MCTP1: variants seen among roughly 807,000 people sequenced by gnomAD.
MCTP1 encodes multiple C2 and transmembrane domain-containing protein 1.
MCTP1 carries 69 observed loss-of-function variants against 120.6 expected under a neutral mutation model. The ratio of observed to expected loss-of-function variants is 0.57; its 90% CI spans 0.47 to 0.70. The LOEUF (loss-of-function observed/expected upper bound fraction) is 0.70. MCTP1 is among the 30% of genes least tolerant of loss of function. The pLI is 0.00. For synonymous variants in MCTP1, 529 were observed against 493.1 expected (o/e 1.07, Z -0.96); for missense variants, 1,203 against 1,248.8 (o/e 0.96, Z 0.55).
chr5:94,812,774 TAA>T (rs34926852), intron 17 of MCTP1, among the ~76,000 whole-genome samples: 182 of 142,368 alleles, frequency 1.3e-3, no homozygotes, highest in Middle Eastern at 3.5e-3. Context: ...CCTTGCCTCT[TAA>T]AAAAAAAAAA....
chr5:94,821,370 G>T (rs1037922893), intron 17 of MCTP1, among the ~76,000 whole-genome samples: 7 of 151,880 alleles, frequency 4.6e-5, no homozygotes, highest in Non-Finnish European at 8.8e-5. Flanking sequence ...TATCTGATAG[G>T]GTTTCCCTTC....
intron 1 of MCTP1, among the ~76,000 whole-genome samples, chr5:95,281,158 AC>A (rs1760282406): frequency 6.6e-6 from 1 of 152,230 alleles, no homozygotes; most frequent in African/African-American, 2.4e-5. Context: ...GTGCTTGTGA[AC>A]TGTGAATAAA....
intron 17 of MCTP1, among the ~76,000 whole-genome samples, chr5:94,808,698 A>G (rs963829488): frequency 1.3e-5 from 2 of 152,142 alleles, no homozygotes; most frequent in African/African-American, 2.4e-5. Flanking sequence ...CTCTATATTG[A>G]GTAGGCAAAG....
chr5:94,706,282 G>GTA lies in MCTP1; in HGVS notation c.*1212_*1213dup, dbSNP rs1370905161. ...TTTTCTCCAGAGTTATGCTCCCTTA[G>GTA]TATACCAGGGAGTGAGATATAAAAA... On this transcript the variant is annotated 3_prime_UTR_variant, in exon 23 of 23. Transcript: ENST00000515393. 2.6e-5 allele frequency: 4 copies of GTA among 151,606 alleles called. No homozygotes were observed. The highest frequency in any genetic ancestry group is 7.3e-5 in the African/African-American group (3 of 41,348). The allele number at this position is 151,606 out of a possible 1,614,324, so 9.4% of individuals were successfully genotyped here.
intron 7 of MCTP1, among the ~76,000 whole-genome samples, chr5:94,921,065 G>A (rs1490165509): frequency 6.6e-6 from 1 of 152,136 alleles, no homozygotes; most frequent in African/African-American, 2.4e-5. Flanking sequence ...ATCAGGGTCT[G>A]TAAGTCCACT....
chr5:94,753,940 ATG>A, intron 19 of MCTP1, among the ~76,000 whole-genome samples: 1 of 152,336 alleles, frequency 6.6e-6, no homozygotes, highest in Non-Finnish European at 1.5e-5. Context: ...ATTACAAAAT[ATG>A]TGTTTAAAAG....
At chr5:94,799,245 G>A (rs1399311961) in intron 17 of MCTP1, 113 bp from the exon 18 acceptor site, 5 of 930,500 alleles carry the variant, frequency 5.4e-6, no homozygotes, top group Non-Finnish European at 7.8e-6. Flanking sequence ...AGAACAGGAA[G>A]ATTTATCTTG....
intron 17 of MCTP1, among the ~76,000 whole-genome samples, chr5:94,829,856 A>G (rs1788134255): frequency 6.6e-6 from 1 of 152,188 alleles, no homozygotes; most frequent in African/African-American, 2.4e-5. Flanking sequence ...AGCCCTGAGT[A>G]TTAGCAACAC....
In MCTP1 at chr5:94,868,118, C is replaced by T. The variant is rs146788416; in HGVS notation, c.2436+215G>A. ...ATGATACATTGGCTGAGATGTCTTG[C>T]GTTCCGGAAATCTGAGGGGGGAAAA... On this transcript the variant is annotated intron_variant, in intron 17 of 22. Transcript: ENST00000515393. The T allele has an allele frequency of 2.4e-4, 88 of 364,222 alleles. 1 individual carries two copies. The East Asian group carries it at 3.4e-3, about 14-fold the overall frequency. 22.6% of individuals were successfully genotyped at this position (364,222 alleles called of 1,614,324 possible).
chr5:95,235,312 C>T (rs758463688), intron 1 of MCTP1, among the ~76,000 whole-genome samples: 67 of 151,718 alleles, frequency 4.4e-4, no homozygotes, highest in Admixed American at 2.5e-3. Context: ...AAAAGAAACT[C>T]CCTCAATTTA....
At chr5:94,742,283 G>C (rs186366422) in intron 19 of MCTP1, among the ~76,000 whole-genome samples, 1 of 152,154 alleles carries the variant, frequency 6.6e-6, no homozygotes, top group Non-Finnish European at 1.5e-5. Context: ...TCAAACTCTC[G>C]GGTATAAGTG....
chr5:95,151,159 T>C (rs1413284914), intron 1 of MCTP1, among the ~76,000 whole-genome samples: 1 of 102,298 alleles, frequency 9.8e-6, no homozygotes, highest in Non-Finnish European at 2.2e-5. Flanking sequence ...ATATATAGTA[T>C]TTTTAGTAGA....
intron 17 of MCTP1, among the ~76,000 whole-genome samples, chr5:94,811,681 A>G (rs1428857528): frequency 6.6e-6 from 1 of 152,230 alleles, no homozygotes; most frequent in Non-Finnish European, 1.5e-5. Flanking sequence ...TTGATGCCCG[A>G]TGGCTCAAAT....
chr5:94,940,171 C>T lies in MCTP1; in HGVS notation c.1086G>A (p.Leu362=). The T allele has an allele frequency of 6.2e-7, 1 of 1,606,108 alleles. No individual in the cohort carries two copies. The highest frequency in any genetic ancestry group is 8.5e-7 in the Non-Finnish European group (1 of 1,174,786). Residue 362 remains leucine, a synonymous_variant, in exon 5 of 23, where the codon CTG becomes CTA. Transcript: ENST00000515393. The part of the protein sequence containing the change: ...LNRPTDVTLT[L]KDPHYPDHDL... ...CATGGTCAGGATAATGAGGATCTTT[C>T]AGAGTAAGGGTCACATCTGTGGGCC...
intron 17 of MCTP1, among the ~76,000 whole-genome samples, chr5:94,859,623 A>G (rs1005039806): frequency 4.0e-5 from 6 of 151,770 alleles, no homozygotes; most frequent in Non-Finnish European, 8.8e-5. Context: ...AAGAATTTAA[A>G]CAAAACCAGA....
At chr5:95,009,797 T>C (rs2153654900) in intron 2 of MCTP1, among the ~76,000 whole-genome samples, 1 of 152,242 alleles carries the variant, frequency 6.6e-6, no homozygotes, top group Middle Eastern at 3.4e-3. Flanking sequence ...TTCTAATTCA[T>C]TATGCTGCTT....
At chr5:95,110,025 T>C (rs1011822511) in intron 1 of MCTP1, among the ~76,000 whole-genome samples, 6 of 152,182 alleles carry the variant, frequency 3.9e-5, no homozygotes, top group Middle Eastern at 3.2e-3. Flanking sequence ...CAATATCCCA[T>C]AGTTATCTCA....
chr5:95,223,428 G>T (rs1753907052), intron 1 of MCTP1, among the ~76,000 whole-genome samples: 2 of 152,026 alleles, frequency 1.3e-5, no homozygotes, highest in South Asian at 4.1e-4. Context: ...TCTAGCGTGG[G>T]CATCAGAGTG....
chr5:94,857,511 C>G (rs1424669023), intron 17 of MCTP1, among the ~76,000 whole-genome samples: 1 of 151,574 alleles, frequency 6.6e-6, no homozygotes, highest in Non-Finnish European at 1.5e-5. Flanking sequence ...AACATTTTTT[C>G]TTGTGAATTA....
Sources: allele counts gnomAD v4.1 joint callset (sites outside exome capture counted in the v4.1 genomes callset), GRCh38; gene constraint gnomAD v4.1.1; transcripts MANE v1.5; gene names NCBI Gene and HGNC (gene_info 2026-07-23, HGNC 2026-07-21).